The following SLC9D1 variants were observed in gnomAD, a reference collection of about 807,000 sequenced individuals.
SLC9D1 encodes the protein putative LAG1-interacting protein.
the SLC9D1 span, chr13:113,539,342 T>C: frequency 6.2e-7 from 1 of 1,610,160 alleles, no homozygotes. This position sits in a 1 kb window ranked among gnomAD's most constrained non-coding sequence, Gnocchi z 4.8. Flanking sequence ...TAAAGCTGCG[T>C]CCTGCCTCTC....
At chr13:113,515,432 C>T in the SLC9D1 span, among the ~76,000 whole-genome samples, 252 of 152,166 alleles carry the variant, frequency 1.7e-3, 3 homozygotes, top group East Asian at 0.043. Context: ...CAGATGTGGC[C>T]GGGTGGCTGT....
the SLC9D1 span, among the ~76,000 whole-genome samples, chr13:113,542,796 A>G: frequency 6.6e-6 from 1 of 152,006 alleles, no homozygotes; most frequent in Non-Finnish European, 1.5e-5. Context: ...ACCTCAACCA[A>G]ACGGAAAATT....
At chr13:113,499,881 C>T in the SLC9D1 span, 1 of 820,634 alleles carries the variant, frequency 1.2e-6, no homozygotes, top group Non-Finnish European at 1.7e-6. Flanking sequence ...TTTTAACATT[C>T]TTCTGTTTAG....
At chr13:113,517,418 C>T in the SLC9D1 span, among the ~76,000 whole-genome samples, 16 of 152,174 alleles carry the variant, frequency 1.1e-4, no homozygotes, top group East Asian at 3.9e-4. Flanking sequence ...TTAGTAGAGA[C>T]GGGGTTTCAC....
At chr13:113,513,205 A>T in the SLC9D1 span, among the ~76,000 whole-genome samples, 1 of 152,184 alleles carries the variant, frequency 6.6e-6, no homozygotes. Flanking sequence ...GAGATAGCGG[A>T]TAGGTAACCC....
At chr13:113,503,409 G>A in the SLC9D1 span, 114,792 of 859,262 alleles carry the variant, frequency 0.13, 9,956 homozygotes, top group African/African-American at 0.35. Flanking sequence ...TACTTCCACC[G>A]GGCATACTAG....
chr13:113,520,599 T>C, the SLC9D1 span: 6 of 1,596,234 alleles, frequency 3.8e-6, no homozygotes, highest in Non-Finnish European at 5.2e-6. Context: ...CTGTCTTCAA[T>C]GCCTTTCCCC....
the SLC9D1 span, among the ~76,000 whole-genome samples, chr13:113,517,354 T>C: frequency 4.5e-4 from 69 of 152,240 alleles, no homozygotes; most frequent in South Asian, 0.013. Flanking sequence ...TGCCTCAGCC[T>C]CCCGAGTAGC....
At chr13:113,528,502 A>G in the SLC9D1 span, 2 of 152,288 alleles carry the variant, frequency 1.3e-5, no homozygotes, top group Non-Finnish European at 2.9e-5. Flanking sequence ...TGGGTTTTCC[A>G]GAGGTTCAGC....
the SLC9D1 span, among the ~76,000 whole-genome samples, chr13:113,532,903 A>G: frequency 1.2e-5 from 1 of 81,152 alleles, no homozygotes. Context: ...CTGAAGTCGC[A>G]GACGTGGGCC....
the SLC9D1 span, among the ~76,000 whole-genome samples, chr13:113,542,786 A>G: frequency 2.0e-5 from 3 of 152,188 alleles, no homozygotes; most frequent in African/African-American, 4.8e-5. Flanking sequence ...ACTCAGCACA[A>G]CCTCAACCAA....
At chr13:113,517,394 G>A in the SLC9D1 span, among the ~76,000 whole-genome samples, 1,356 of 152,126 alleles carry the variant, frequency 8.9e-3, 22 homozygotes, top group African/African-American at 0.031. Flanking sequence ...CACCACGCCC[G>A]GCTAATTCTA....
At chr13:113,549,752 G>A in the SLC9D1 span, 1 of 723,436 alleles carries the variant, frequency 1.4e-6, no homozygotes, top group Non-Finnish European at 2.5e-6. Flanking sequence ...TGTTGATTAT[G>A]TGCAGTAGAC....
the SLC9D1 span, among the ~76,000 whole-genome samples, chr13:113,507,194 C>G: frequency 6.6e-6 from 1 of 152,110 alleles, no homozygotes; most frequent in Non-Finnish European, 1.5e-5. Context: ...CTGCTGTCCC[C>G]GGAGGGAGCC....
At chr13:113,494,844 G>A in the SLC9D1 span, among the ~76,000 whole-genome samples, 1 of 152,028 alleles carries the variant, frequency 6.6e-6, no homozygotes, top group African/African-American at 2.4e-5. Context: ...GTGAGGGGAA[G>A]TTGATGGTAT....
the SLC9D1 span, chr13:113,501,682 C>T: frequency 9.1e-5 from 119 of 1,313,366 alleles, no homozygotes; most frequent in East Asian, 2.6e-3. Context: ...TGTTCTGTGC[C>T]TCAGCCAGCC....
At chr13:113,495,965 C>A in the SLC9D1 span, 1 of 1,613,608 alleles carries the variant, frequency 6.2e-7, no homozygotes, top group Non-Finnish European at 8.5e-7. Context: ...ACAAAGATGT[C>A]GTGAACATGA....
the SLC9D1 span, chr13:113,547,442 C>T: frequency 2.9e-6 from 4 of 1,362,120 alleles, no homozygotes; most frequent in Non-Finnish European, 4.2e-6. Flanking sequence ...CTCCCTGTGG[C>T]CCTGGTTTCC....
the SLC9D1 span, among the ~76,000 whole-genome samples, chr13:113,525,147 C>T: frequency 6.6e-6 from 1 of 152,160 alleles, no homozygotes; most frequent in African/African-American, 2.4e-5. Flanking sequence ...CACTTAGCTC[C>T]CTCCCCCTGC....
Sources: allele counts gnomAD v4.1 joint callset (sites outside exome capture counted in the v4.1 genomes callset), GRCh38; gene constraint gnomAD v4.1.1; non-coding constraint Gnocchi (gnomAD v3.1); transcripts MANE v1.5; gene names NCBI Gene and HGNC (gene_info 2026-07-23, HGNC 2026-07-21).